ARSG: variants seen among roughly 807,000 people sequenced by gnomAD.
ARSG encodes arylsulfatase G.
Under a neutral mutation model 50.5 loss-of-function variants are expected in ARSG, and 37 were observed. The observed-to-expected ratio is 0.73, with a 90% CI of 0.56 to 0.96. The LOEUF (loss-of-function observed/expected upper bound fraction) is 0.96, where lower values mean the gene tolerates loss of function less well. ARSG is among the 50% of genes least tolerant of loss of function. The pLI is 0.00. For synonymous variants in ARSG, 225 were observed against 254.6 expected (o/e 0.88, Z 1.11); for missense variants, 629 against 675.3 (o/e 0.93, Z 0.76).
chr17:68,436,075 C>T, the ARSG span, among the ~76,000 whole-genome samples: 2 of 152,236 alleles, frequency 1.3e-5, no homozygotes, highest in African/African-American at 4.8e-5. Flanking sequence ...ATATGAAACA[C>T]CTGCACACTG....
Position 68,271,518 on chromosome 17 carries a change from G to A in ARSG, c.-552+12092G>A, listed in dbSNP as rs782134895. ...GCGCTTCTTTCCGATTTTCCTGGATGACTATTTTCGGTGACGCTGGTCCTC... is the reference window on the plus strand; with the variant it reads ...GCGCTTCTTTCCGATTTTCCTGGATAACTATTTTCGGTGACGCTGGTCCTC... On this transcript the variant is annotated intron_variant, in intron 1 of 11. Transcript: ENST00000448504. This position sits in a 1 kb window ranked among gnomAD's most constrained non-coding sequence, Gnocchi z 5.3. 3 of 1,614,162 alleles carry A rather than the reference G, an allele frequency of 1.9e-6. No homozygotes were observed. The highest frequency in any genetic ancestry group is 2.2e-5 in the South Asian group (2 of 91,060).
intron 11 of ARSG, among the ~76,000 whole-genome samples, chr17:68,402,527 T>G (rs1052851847): frequency 6.8e-6 from 1 of 148,148 alleles, no homozygotes; most frequent in African/African-American, 2.5e-5. Context: ...GTTTTTTGTT[T>G]TTGTTTTTGT....
chr17:68,281,503 A>T (rs959065900), intron 1 of ARSG, among the ~76,000 whole-genome samples: 6 of 152,146 alleles, frequency 3.9e-5, no homozygotes, highest in Non-Finnish European at 7.4e-5. Context: ...TGAACCTGGG[A>T]GGTGGAGGTT....
intron 8 of ARSG, among the ~76,000 whole-genome samples, chr17:68,384,104 A>T (rs1258231978): frequency 6.6e-6 from 1 of 152,136 alleles, no homozygotes; most frequent in Non-Finnish European, 1.5e-5. Flanking sequence ...TTCATTATTC[A>T]CACCAGCCAA....
intron 11 of ARSG, among the ~76,000 whole-genome samples, chr17:68,412,468 T>C (rs1339084288): frequency 6.6e-6 from 1 of 152,250 alleles, no homozygotes; most frequent in African/African-American, 2.4e-5. Flanking sequence ...TTCTGGCTTG[T>C]AGAGTTTCTG....
At chr17:68,362,963 G>A (rs1356223588) in intron 6 of ARSG, among the ~76,000 whole-genome samples, 3 of 152,190 alleles carry the variant, frequency 2.0e-5, no homozygotes, top group Non-Finnish European at 2.9e-5. Context: ...GAATGAGTGA[G>A]TTACTTATCC....
chr17:68,273,364 A>G (rs2075405599), intron 1 of ARSG, among the ~76,000 whole-genome samples: 1 of 152,086 alleles, frequency 6.6e-6, no homozygotes, highest in Non-Finnish European at 1.5e-5. Context: ...CTGGGACCAC[A>G]GGCACGCACC....
At chr17:68,368,473 G>A (rs2079656037) in intron 6 of ARSG, 75 bp from the exon 7 acceptor site, 1 of 1,397,266 alleles carries the variant, frequency 7.2e-7, no homozygotes, top group Non-Finnish European at 1.0e-6. Flanking sequence ...TCCTGGAGGA[G>A]AGGGAGGATC....
chr17:68,388,224 C>G (rs1413927680), intron 9 of ARSG, among the ~76,000 whole-genome samples: 1 of 152,180 alleles, frequency 6.6e-6, no homozygotes, highest in Non-Finnish European at 1.5e-5. Flanking sequence ...GTAGTTTTAA[C>G]TTAAAACTGT....
chr17:68,432,663 C>A, the ARSG span, among the ~76,000 whole-genome samples: 1 of 152,120 alleles, frequency 6.6e-6, no homozygotes, highest in African/African-American at 2.4e-5. Context: ...TGGTGCCCAG[C>A]CTCTACACCT....
chr17:68,414,825 G>A (rs1013581030), intron 11 of ARSG, among the ~76,000 whole-genome samples: 16 of 152,100 alleles, frequency 1.1e-4, no homozygotes, highest in Non-Finnish European at 4.4e-5. Flanking sequence ...ATGCAAAGGT[G>A]TTCATAGTAG....
At chr17:68,303,953 A>G (rs1172911653) in intron 1 of ARSG, among the ~76,000 whole-genome samples, 1 of 152,226 alleles carries the variant, frequency 6.6e-6, no homozygotes, top group Non-Finnish European at 1.5e-5. Flanking sequence ...TTTCCATTCT[A>G]TGAACATTTT....
At chr17:68,413,160 G>A (rs2082116183) in intron 11 of ARSG, among the ~76,000 whole-genome samples, 1 of 152,166 alleles carries the variant, frequency 6.6e-6, no homozygotes, top group South Asian at 2.1e-4. Context: ...TCCGTTGCTG[G>A]TGAGGAACTG....
the ARSG span, chr17:68,451,045 A>T: frequency 1.7e-6 from 2 of 1,158,528 alleles, no homozygotes; most frequent in African/African-American, 3.2e-5. Context: ...TTGCATTGAC[A>T]GTGATCCACC....
At chr17:68,402,815 T>A (rs1429650127) in intron 11 of ARSG, among the ~76,000 whole-genome samples, 3 of 152,180 alleles carry the variant, frequency 2.0e-5, no homozygotes, top group African/African-American at 7.2e-5. Context: ...ATGAGCCACC[T>A]TGCCCAGCCT....
At chr17:68,301,905 G>A (rs529130134) in intron 1 of ARSG, among the ~76,000 whole-genome samples, 4 of 151,944 alleles carry the variant, frequency 2.6e-5, no homozygotes, top group South Asian at 4.2e-4. Context: ...GTGTTTTCTC[G>A]ATGAGATTGT....
chr17:68,443,541 C>G, the ARSG span, among the ~76,000 whole-genome samples: 6 of 151,948 alleles, frequency 3.9e-5, no homozygotes, highest in Non-Finnish European at 8.8e-5. Context: ...ATGGCAGTTC[C>G]TGTGCTGGTC....
In ARSG at chr17:68,347,126, C is replaced by G. The variant is rs375030785; in HGVS notation, c.408C>G (p.Gly136=). 11 of 1,613,922 alleles carry G rather than the reference C, an allele frequency of 6.8e-6. No homozygotes were observed. Among genetic ancestry groups the G allele is most frequent in the Admixed American group, 6.7e-5 (4 of 60,008 alleles). ...QQAGYVTGII[G]KWHLGHHGSY... ...AATCTCTCTTATGTTTTTCTACAGG[C>G]AAATGGCATCTTGGACACCACGGCT... Residue 136 remains glycine (G), a splice_region_variant and synonymous_variant, in exon 4 of 12, where the codon GGC becomes GGG. Coordinates refer to ENST00000621439, the MANE Select transcript of ARSG (RefSeq NM_001267727.2).
At chr17:68,428,442 AGGCT>A in the ARSG span, 2 of 185,354 alleles carry the variant, frequency 1.1e-5, no homozygotes, top group African/African-American at 4.7e-5. Context: ...CATGTTGCCC[AGGCT>A]GGTCTTGAAC....
Sources: gnomAD v4.1 joint callset for allele counts (sites outside exome capture counted in the v4.1 genomes callset) on GRCh38, gnomAD v4.1.1 for gene constraint, Gnocchi (gnomAD v3.1) non-coding constraint, MANE v1.5 for transcripts, NCBI Gene and HGNC (gene_info 2026-07-23, HGNC 2026-07-21) for gene names.